The following RBFOX1 variants were observed in gnomAD, a reference collection of about 807,000 sequenced individuals.
The protein encoded by RBFOX1 is RNA binding protein fox-1 homolog 1.
In RBFOX1, 8 loss-of-function variants were observed where a neutral mutation model predicts 57.7. The ratio of observed to expected loss-of-function variants is 0.14; its 90% CI spans 0.08 to 0.25. RBFOX1 has a LOEUF of 0.25. RBFOX1 is among the 10% of genes least tolerant of loss of function. The pLI is 1.00. For missense variants in RBFOX1, 611 were observed against 548.5 expected (o/e 1.11, Z -1.14); for synonymous variants, 326 against 222.4 (o/e 1.47, Z -4.15).
intron 1 of RBFOX1, among the ~76,000 whole-genome samples, chr16:6,151,676 G>A (rs2096798749): frequency 6.6e-6 from 1 of 152,220 alleles, no homozygotes; most frequent in African/African-American, 2.4e-5. Flanking sequence ...AGATTTGTTT[G>A]TTAGAAGAGG....
chr16:7,035,765 G>T (rs1351359139), intron 3 of RBFOX1, among the ~76,000 whole-genome samples: 1 of 152,046 alleles, frequency 6.6e-6, no homozygotes, highest in Non-Finnish European at 1.5e-5. Flanking sequence ...GAACTTTTGG[G>T]AATCTAGTCC....
At chr16:6,258,475 ACT>A (rs1349171536) in intron 1 of RBFOX1, among the ~76,000 whole-genome samples, 1 of 152,060 alleles carries the variant, frequency 6.6e-6, no homozygotes, top group Non-Finnish European at 1.5e-5. Context: ...TGAATTTTAC[ACT>A]CTGTTTCCAA....
chr16:5,763,381 G>A (rs1340878523), intron 3 of RBFOX1, among the ~76,000 whole-genome samples: 1 of 152,194 alleles, frequency 6.6e-6, no homozygotes. Context: ...CCCAGCTACA[G>A]CGATGCAAAC....
At chr16:6,564,594 G>T (rs1271384659) in intron 2 of RBFOX1, among the ~76,000 whole-genome samples, 1 of 152,100 alleles carries the variant, frequency 6.6e-6, no homozygotes, top group African/African-American at 2.4e-5. Flanking sequence ...AATCTAAAAA[G>T]CTGAACTCTT....
In RBFOX1 at chr16:6,766,961, G is replaced by T. The variant is rs554064446; in HGVS notation, c.-16+112311G>T. Among the ~76,000 whole-genome samples, 7 of 152,192 alleles carry T rather than the reference G, an allele frequency of 4.6e-5. No individual in the cohort carries two copies. In the South Asian group the frequency reaches 1.5e-3, roughly 32 times the overall value. On this transcript the variant is annotated intron_variant, in intron 3 of 15. Coordinates refer to ENST00000550418, the MANE Select transcript of RBFOX1 (RefSeq NM_018723.4). Reference sequence around the variant, plus strand: ...CGTGGTACTAGCCCTTGGTAAGTCGGGGGAGGCTGAAGGCTGAAGGAACAA... The same window carrying T: ...CGTGGTACTAGCCCTTGGTAAGTCGTGGGAGGCTGAAGGCTGAAGGAACAA...
intron 3 of RBFOX1, among the ~76,000 whole-genome samples, chr16:6,961,163 G>A (rs12923294): frequency 0.8 from 118,643 of 148,652 alleles, 48,112 homozygotes; most frequent in African/African-American, 0.95. Context: ...ACACACACAC[G>A]CAAAAGAAAG....
At chr16:7,063,725 C>G (rs59374396) in intron 4 of RBFOX1, among the ~76,000 whole-genome samples, 5,330 of 152,242 alleles carry the variant, frequency 0.035, 167 homozygotes, top group African/African-American at 0.081. Flanking sequence ...CCAACACACA[C>G]CTGGGTCTGC....
At chr16:7,364,223 C>T (rs571333913) in intron 4 of RBFOX1, among the ~76,000 whole-genome samples, 1 of 152,182 alleles carries the variant, frequency 6.6e-6, no homozygotes, top group Non-Finnish European at 1.5e-5. Context: ...ATGTGCCGGG[C>T]TAGCGGCTTT....
chr16:6,930,133 A>G (rs367656230), intron 3 of RBFOX1, among the ~76,000 whole-genome samples: 175 of 152,314 alleles, frequency 1.1e-3, no homozygotes, highest in African/African-American at 3.7e-3. Context: ...GAGCCCCTCA[A>G]TCTGTGCTAG....
At chr16:5,998,490 T>A (rs1290398464) in intron 4 of RBFOX1, among the ~76,000 whole-genome samples, 2 of 152,224 alleles carry the variant, frequency 1.3e-5, no homozygotes, top group Non-Finnish European at 2.9e-5. Flanking sequence ...TTCGGACATT[T>A]CTAGGGCTAG....
At chr16:7,495,231 A>G (rs900581504) in intron 4 of RBFOX1, among the ~76,000 whole-genome samples, 8 of 152,176 alleles carry the variant, frequency 5.3e-5, no homozygotes, top group Non-Finnish European at 1.5e-5. Flanking sequence ...ATACACACCT[A>G]GGCTAATTCC....
At chr16:7,049,298 G>A (rs1056947862) in intron 3 of RBFOX1, among the ~76,000 whole-genome samples, 3 of 152,122 alleles carry the variant, frequency 2.0e-5, no homozygotes, top group Non-Finnish European at 2.9e-5. Context: ...GAAAAGCAAT[G>A]GGAGGTGGGA....
At chr16:6,210,926 G>A (rs540371740) in intron 1 of RBFOX1, among the ~76,000 whole-genome samples, 2 of 152,026 alleles carry the variant, frequency 1.3e-5, no homozygotes, top group South Asian at 2.1e-4. Context: ...GTCTTTTTTT[G>A]TGTTTTCTTT....
At position 7,494,109 on chromosome 16, in the gene RBFOX1, G is replaced by C. The variant is rs150997682; in HGVS notation, c.28-24038G>C. ...CATGAGTTAGCAATGTCTAGTGGGG[G>C]AGCTATAATAGATAAAGGTGAGAAG... is the stretch of plus-strand genomic sequence containing the variant. On this transcript the variant is annotated intron_variant, in intron 4 of 15. Coordinates refer to ENST00000550418, the MANE Select transcript of RBFOX1 (RefSeq NM_018723.4). 7.6e-3 allele frequency among the ~76,000 whole-genome samples: 1,155 copies of C among 152,226 alleles called. 11 individuals are homozygous for C. Among genetic ancestry groups the C allele is most frequent in the African/African-American group, 0.027 (1,104 of 41,542 alleles).
intron 3 of RBFOX1, among the ~76,000 whole-genome samples, chr16:6,707,957 C>T (rs564307460): frequency 1.2e-3 from 183 of 152,216 alleles, no homozygotes; most frequent in Non-Finnish European, 2.3e-3. Flanking sequence ...GAGGTAGAAG[C>T]AGGATGCATT....
At position 6,686,792 on chromosome 16, in the gene RBFOX1, C is replaced by G. The variant is rs1603416943; in HGVS notation, c.-16+32142C>G. ...CATTACACACACCCAACCCAGTTAACACATCAAGAAACCCACAGATTGCAC... is the reference window on the plus strand; with the variant it reads ...CATTACACACACCCAACCCAGTTAAGACATCAAGAAACCCACAGATTGCAC... On this transcript the variant is annotated intron_variant, in intron 3 of 15. Coordinates refer to ENST00000550418, the MANE Select transcript of RBFOX1 (RefSeq NM_018723.4). Among the ~76,000 whole-genome samples the G allele has an allele frequency of 1.3e-5, 2 of 152,290 alleles. 1 individual carries two copies. The highest frequency in any genetic ancestry group is 4.1e-4 in the South Asian group (2 of 4,820).
intron 5 of RBFOX1, among the ~76,000 whole-genome samples, chr16:7,567,365 C>CTG (rs2092046240): frequency 1.0e-5 from 1 of 98,320 alleles, no homozygotes; most frequent in Non-Finnish European, 2.2e-5. Flanking sequence ...ATATATGGCC[C>CTG]TATATATATA....
At chr16:6,056,073 T>C in intron 1 of RBFOX1, among the ~76,000 whole-genome samples, 1 of 152,138 alleles carries the variant, frequency 6.6e-6, no homozygotes, top group African/African-American at 2.4e-5. Flanking sequence ...AGTGGGTAGT[T>C]TGGGTGGAGC....
intron 3 of RBFOX1, among the ~76,000 whole-genome samples, chr16:6,741,188 A>C (rs1007235355): frequency 6.6e-6 from 1 of 152,196 alleles, no homozygotes; most frequent in Non-Finnish European, 1.5e-5. Context: ...AATAATAAAT[A>C]ATAAATCTTG....
Sources: gnomAD v4.1 joint callset for allele counts (sites outside exome capture counted in the v4.1 genomes callset) on GRCh38, gnomAD v4.1.1 for gene constraint, MANE v1.5 for transcripts, NCBI Gene and HGNC (gene_info 2026-07-23, HGNC 2026-07-21) for gene names.